NME9: variants seen among roughly 807,000 people sequenced by gnomAD.
NME9 encodes the protein thioredoxin domain-containing protein 6.
Under a neutral mutation model 44.4 loss-of-function variants are expected in NME9, and 48 were observed. The ratio of observed to expected loss-of-function variants is 1.08; its 90% CI spans 0.86 to 1.37. The LOEUF (loss-of-function observed/expected upper bound fraction) is 1.37, where lower values mean the gene tolerates loss of function less well. Ranked by LOEUF, NME9 falls within the 40% of genes most tolerant of loss-of-function variation. NME9 has a pLI of 0.00. For missense variants in NME9, 325 were observed against 405.2 expected (o/e 0.80, Z 1.70); for synonymous variants, 139 against 147.1 (o/e 0.94, Z 0.40).
At chr3:138,298,131 G>C (rs1372978545), downstream of NME9, 2 of 152,274 alleles carry the variant, frequency 1.3e-5, no homozygotes, top group Non-Finnish European at 2.9e-5. Flanking sequence ...GAAGTGGGAA[G>C]AGTGGACATG....
rs1017166723 is a variant in NME9 at position 138,274,053 on chromosome 3, G to A, written c.746-11467C>T. Among the ~76,000 whole-genome samples, 4 of 152,040 alleles carry A rather than the reference G, an allele frequency of 2.6e-5. No homozygotes were observed. The South Asian group carries it at 8.3e-4, about 32-fold the overall frequency. On this transcript the variant is annotated intron_variant, in intron 8 of 8. Coordinates refer to the NME9 transcript ENST00000317876. Reference sequence around the variant, plus strand: ...GGCTGGTCTCGAACTCCTGCCCTCAGGTGATTGGCCCACCTCGGCCCCCCA... The same window carrying A: ...GGCTGGTCTCGAACTCCTGCCCTCAAGTGATTGGCCCACCTCGGCCCCCCA...
At chr3:138,320,641 A>T (rs981738623) in intron 2 of NME9, among the ~76,000 whole-genome samples, 1 of 152,212 alleles carries the variant, frequency 6.6e-6, no homozygotes, top group Non-Finnish European at 1.5e-5. Context: ...ACACTGTTCT[A>T]TAGTAACCAG....
downstream of NME9, among the ~76,000 whole-genome samples, chr3:138,300,762 C>T (rs1176948175): frequency 6.6e-6 from 1 of 152,148 alleles, no homozygotes; most frequent in Non-Finnish European, 1.5e-5. Context: ...TAGATGAACC[C>T]TGGTTCCAAA....
intron 2 of NME9, chr3:138,324,563 T>C (rs2053657765): frequency 2.0e-6 from 1 of 491,496 alleles, no homozygotes; most frequent in Non-Finnish European, 4.0e-6. Context: ...AAGAGATCCC[T>C]GTATTCCTTC....
At chr3:138,317,097 T>C (rs1195815098) in intron 4 of NME9, among the ~76,000 whole-genome samples, 1 of 152,158 alleles carries the variant, frequency 6.6e-6, no homozygotes, top group Admixed American at 6.5e-5. Flanking sequence ...GCTCAAGCAA[T>C]TAAGCCATTG....
intron 8 of NME9, among the ~76,000 whole-genome samples, chr3:138,279,095 A>G (rs746184417): frequency 1.3e-5 from 2 of 152,214 alleles, no homozygotes; most frequent in Non-Finnish European, 2.9e-5. Context: ...TTTGTTCCCA[A>G]TATTAGAGAA....
At chr3:138,274,625 A>C (rs2291092) in intron 8 of NME9, 2 of 1,028,574 alleles carry the variant, frequency 1.9e-6, no homozygotes, top group Non-Finnish European at 1.5e-6. Context: ...GAAATATTCA[A>C]ATCTGCAGAA....
chr3:138,263,835 A>C (rs1488095993), intron 8 of NME9: 11 of 1,611,294 alleles, frequency 6.8e-6, no homozygotes, highest in Non-Finnish European at 9.3e-6. Flanking sequence ...TGAGCTTTAA[A>C]TGGTCTGAAT....
chr3:138,300,188 C>T (rs1560081059), downstream of NME9, among the ~76,000 whole-genome samples: 1 of 152,156 alleles, frequency 6.6e-6, no homozygotes, highest in Non-Finnish European at 1.5e-5. Context: ...GCACTGTGGA[C>T]ATGTGTGTTT....
chr3:138,270,332 C>G (rs139572742), intron 8 of NME9, among the ~76,000 whole-genome samples: 105 of 152,270 alleles, frequency 6.9e-4, no homozygotes, highest in African/African-American at 2.4e-3. Flanking sequence ...GTTATGCCTC[C>G]GTTCTCTTAT....
chr3:138,300,954 G>T (rs573367764), downstream of NME9: 4 of 557,040 alleles, frequency 7.2e-6, no homozygotes, highest in East Asian at 2.9e-4. Context: ...CAATCTTGCT[G>T]CACTGTTTTC....
intron 8 of NME9, among the ~76,000 whole-genome samples, chr3:138,289,998 T>C (rs1057464559): frequency 2.0e-5 from 3 of 152,138 alleles, no homozygotes; most frequent in African/African-American, 7.2e-5. Flanking sequence ...GTACCACTTG[T>C]GTACTGGGGA....
chr3:138,276,986 C>T (rs538660629), intron 8 of NME9, among the ~76,000 whole-genome samples: 11 of 152,176 alleles, frequency 7.2e-5, no homozygotes, highest in African/African-American at 2.6e-4. Context: ...AAAACAGGAA[C>T]AATTGGAGGA....
At chr3:138,274,000 T>C (rs1370576127) in intron 8 of NME9, among the ~76,000 whole-genome samples, 1 of 152,170 alleles carries the variant, frequency 6.6e-6, no homozygotes, top group Admixed American at 6.6e-5. Flanking sequence ...GTATTTGTAG[T>C]AGAGACGGGG....
At chr3:138,303,892 T>C (rs1219106113) in intron 9 of NME9, among the ~76,000 whole-genome samples, 1 of 152,218 alleles carries the variant, frequency 6.6e-6, no homozygotes, top group Non-Finnish European at 1.5e-5. Flanking sequence ...GCCACAGCTC[T>C]ATGAGGGAGT....
At chr3:138,282,044 G>A (rs1274629615) in intron 8 of NME9, among the ~76,000 whole-genome samples, 1 of 152,182 alleles carries the variant, frequency 6.6e-6, no homozygotes, top group South Asian at 2.1e-4. Context: ...ATTCTTCCAT[G>A]TGCTGCCCCC....
chr3:138,325,660 G>A (rs1264960639), intron 1 of NME9, among the ~76,000 whole-genome samples: 2 of 151,850 alleles, frequency 1.3e-5, no homozygotes, highest in African/African-American at 2.4e-5. Flanking sequence ...TGCCCACCTC[G>A]GCCTCCCAAA....
intron 8 of NME9, chr3:138,290,498 A>G: frequency 1.5e-6 from 2 of 1,344,156 alleles, no homozygotes; most frequent in Non-Finnish European, 2.1e-6. Flanking sequence ...CATCAAAGAG[A>G]GCATTTGCCT....
intron 8 of NME9, chr3:138,270,146 T>TTA: frequency 1.3e-6 from 2 of 1,542,904 alleles, no homozygotes. Flanking sequence ...CGTTTCACTT[T>TTA]TATATATATC....
Sources: allele counts gnomAD v4.1 joint callset (sites outside exome capture counted in the v4.1 genomes callset), GRCh38; gene constraint gnomAD v4.1.1; transcripts MANE v1.5; gene names NCBI Gene and HGNC (gene_info 2026-07-23, HGNC 2026-07-21).